CPEB3: variants seen among roughly 807,000 people sequenced by gnomAD.
The protein encoded by CPEB3 is cytoplasmic polyadenylation element-binding protein 3.
A neutral mutation model predicts 67.2 loss-of-function variants in CPEB3; 20 were observed. The observed-to-expected ratio is 0.30, with a 90% CI of 0.21 to 0.43. CPEB3 has a LOEUF of 0.43. CPEB3 is among the 20% of genes least tolerant of loss of function. CPEB3 has a pLI of 1.00. For synonymous variants in CPEB3, 376 were observed against 393.1 expected (o/e 0.96, Z 0.51); for missense variants, 746 against 968.6 (o/e 0.77, Z 3.05).
chr10:92,272,380 G>C (rs1277386850), intron 1 of CPEB3: 1 of 152,078 alleles, frequency 6.6e-6, no homozygotes, highest in Non-Finnish European at 1.5e-5. Context: ...TTTCTCCAAA[G>C]ATCTCTGTTT....
rs149687867 is a variant in CPEB3, at chr10:92,210,301, G to A, written c.1006-17665C>T. Among the ~76,000 whole-genome samples the A allele has an allele frequency of 1.1e-3, 171 of 152,244 alleles. 1 individual carries two copies. The highest frequency in any genetic ancestry group is 3.9e-3 in the African/African-American group (161 of 41,560). ...TGGATGCTATAAAGATACAAATGAA[G>A]GTGGTCATCAACTATGGTATGGAAG... On this transcript the variant is annotated intron_variant, in intron 2 of 9. Transcript: ENST00000265997.
intron 4 of CPEB3, among the ~76,000 whole-genome samples, chr10:92,166,466 T>C (rs1169312795): frequency 6.6e-6 from 1 of 152,176 alleles, no homozygotes; most frequent in Non-Finnish European, 1.5e-5. Flanking sequence ...CCTTGATCCA[T>C]GGGCTGTAGA....
chr10:92,121,156 G>T (rs370922094), intron 6 of CPEB3, among the ~76,000 whole-genome samples: 1 of 151,632 alleles, frequency 6.6e-6, no homozygotes, highest in East Asian at 1.9e-4. Flanking sequence ...CTACAGGCAC[G>T]TGCCACCACA....
intron 8 of CPEB3, among the ~76,000 whole-genome samples, chr10:92,083,133 C>T (rs573240339): frequency 6.6e-6 from 1 of 152,320 alleles, no homozygotes; most frequent in South Asian, 2.1e-4. Flanking sequence ...AAGTTCTTTA[C>T]ATACCAGATT....
At chr10:92,101,832 T>A (rs1440565250) in intron 7 of CPEB3, among the ~76,000 whole-genome samples, 2 of 152,146 alleles carry the variant, frequency 1.3e-5, no homozygotes, top group Non-Finnish European at 2.9e-5. Flanking sequence ...CGCTTGAACC[T>A]GGAAGGCAGA....
chr10:92,263,552 T>G (rs1170487828), intron 1 of CPEB3, among the ~76,000 whole-genome samples: 2 of 152,256 alleles, frequency 1.3e-5, no homozygotes, highest in Non-Finnish European at 2.9e-5. Context: ...ATTAGTTGTG[T>G]TAAGCCCATG....
At chr10:92,257,216 T>C (rs1410499600) in intron 1 of CPEB3, among the ~76,000 whole-genome samples, 1 of 152,254 alleles carries the variant, frequency 6.6e-6, no homozygotes, top group African/African-American at 2.4e-5. Context: ...CCAAACTGAC[T>C]GTTTCCTTGA....
chr10:92,085,419 G>C (rs1843329714), intron 8 of CPEB3, among the ~76,000 whole-genome samples: 1 of 152,090 alleles, frequency 6.6e-6, no homozygotes, highest in African/African-American at 2.4e-5. Flanking sequence ...AACACAATGA[G>C]TCTAATCCAC....
intron 4 of CPEB3, among the ~76,000 whole-genome samples, chr10:92,175,159 A>C (rs1299650590): frequency 6.6e-6 from 1 of 151,684 alleles, no homozygotes; most frequent in Non-Finnish European, 1.5e-5. Context: ...TTACTACAAA[A>C]ATTCCTTTCT....
intron 2 of CPEB3, among the ~76,000 whole-genome samples, chr10:92,233,241 A>T (rs1851359067): frequency 6.6e-6 from 1 of 152,112 alleles, no homozygotes; most frequent in Non-Finnish European, 1.5e-5. Context: ...AAAAAAAGAA[A>T]GTGGGGGCCA....
intron 2 of CPEB3, among the ~76,000 whole-genome samples, chr10:92,224,870 T>C (rs1850886225): frequency 6.8e-6 from 1 of 147,654 alleles, no homozygotes; most frequent in Non-Finnish European, 1.5e-5. Context: ...TATATATATA[T>C]AACTTTATAT....
chr10:92,166,750 T>C (rs377068666), intron 4 of CPEB3, among the ~76,000 whole-genome samples: 8 of 152,212 alleles, frequency 5.3e-5, no homozygotes, highest in African/African-American at 1.9e-4. Context: ...AGCATTGGCT[T>C]AAACTCAAAG....
At chr10:92,266,271 C>G (rs1398844739) in intron 1 of CPEB3, among the ~76,000 whole-genome samples, 1 of 152,034 alleles carries the variant, frequency 6.6e-6, no homozygotes, top group Admixed American at 6.6e-5. Context: ...TTGAAACATC[C>G]CACTCTAAAC....
At chr10:92,156,557 G>A (rs992284380) in intron 4 of CPEB3, among the ~76,000 whole-genome samples, 7 of 152,160 alleles carry the variant, frequency 4.6e-5, no homozygotes, top group Admixed American at 3.3e-4. Context: ...GCCAGGCCCT[G>A]CTGTCTATTC....
At chr10:92,204,377 C>A (rs149315521) in intron 2 of CPEB3, 2 of 152,330 alleles carry the variant, frequency 1.3e-5, no homozygotes, top group African/African-American at 4.8e-5. Context: ...AGCAATAAAA[C>A]AACAGCTGTG....
In CPEB3 at chr10:92,213,706, A is replaced by G. The variant is rs376852827; in HGVS notation, c.1006-21070T>C. Among the ~76,000 whole-genome samples, 7 of 152,302 alleles carry G rather than the reference A, an allele frequency of 4.6e-5. No individual in the cohort carries two copies. In the East Asian group the frequency reaches 9.6e-4, roughly 21 times the overall value. On this transcript the variant is annotated intron_variant, in intron 2 of 9. Coordinates refer to ENST00000265997, the MANE Select transcript of CPEB3 (RefSeq NM_014912.5). ...TAAAGCAGATTTTAAATGAAACACA[A>G]AACAAACATGGCCATCTCCACTACT...
Position 92,054,012 on chromosome 10 carries a change from T to A in CPEB3, c.1870-1573A>T, listed in dbSNP as rs111408484. 2.4e-3 allele frequency among the ~76,000 whole-genome samples: 360 copies of A among 152,294 alleles called. 1 individual carries two copies. Among genetic ancestry groups the A allele is most frequent in the African/African-American group, 7.7e-3 (321 of 41,568 alleles). ...AAATAGTATCTTATTGTGGTTTTGA[T>A]TTGCATTTTTCTAATGACTGACAAT... is the stretch of plus-strand genomic sequence containing the variant. On this transcript the variant is annotated intron_variant, in intron 9 of 9. Transcript: ENST00000265997.
intron 7 of CPEB3, among the ~76,000 whole-genome samples, chr10:92,104,553 A>AT (rs1192701203): frequency 6.6e-6 from 1 of 151,628 alleles, no homozygotes; most frequent in East Asian, 2.0e-4. Flanking sequence ...CGCCCAGCTA[A>AT]TTTTTTTGTA....
At chr10:92,188,392 G>A (rs1016601673) in intron 3 of CPEB3, among the ~76,000 whole-genome samples, 19 of 140,216 alleles carry the variant, frequency 1.4e-4, no homozygotes, top group Admixed American at 2.9e-4. Context: ...AGCCAAGCAC[G>A]TAGTTTGGGA....
Sources: gnomAD v4.1 joint callset for allele counts (sites outside exome capture counted in the v4.1 genomes callset) on GRCh38, gnomAD v4.1.1 for gene constraint, MANE v1.5 for transcripts, NCBI Gene and HGNC (gene_info 2026-07-23, HGNC 2026-07-21) for gene names.